ACBD6: variants seen among roughly 807,000 people sequenced by gnomAD.
The protein encoded by ACBD6 is acyl-CoA binding domain containing 6, also known as acyl-CoA-binding domain-containing protein 6.
In ACBD6, 28 loss-of-function variants were observed where a neutral mutation model predicts 37.2. The observed-to-expected ratio is 0.75, with a 90% CI of 0.56 to 1.03. ACBD6 has a LOEUF of 1.03. Ranked by LOEUF, ACBD6 falls within the 50% of genes least tolerant of loss-of-function variation. ACBD6 has a pLI of 0.00. For synonymous variants in ACBD6, 113 were observed against 126.8 expected (o/e 0.89, Z 0.73); for missense variants, 340 against 337.4 (o/e 1.01, Z -0.06).
At chr1:180,482,298 G>A (rs1651083120) in intron 3 of ACBD6, among the ~76,000 whole-genome samples, 1 of 152,050 alleles carries the variant, frequency 6.6e-6, no homozygotes, top group South Asian at 2.1e-4. Flanking sequence ...AAGGCTAGAT[G>A]GATACTGGAC....
At chr1:180,269,707 CACT>C (rs1648515585) in exon 14 of ACBD6, 1 of 152,224 alleles carries the variant, frequency 6.6e-6, no homozygotes, top group Admixed American at 6.5e-5. Context: ...TACACAAGTG[CACT>C]ATTTCCCATT....
At chr1:180,316,333 T>C (rs61811589) in intron 6 of ACBD6, among the ~76,000 whole-genome samples, 1 of 145,330 alleles carries the variant, frequency 6.9e-6, no homozygotes, top group African/African-American at 2.6e-5. Flanking sequence ...TGTGCGTGAG[T>C]GCGCACACAC....
intron 3 of ACBD6, among the ~76,000 whole-genome samples, chr1:180,472,533 G>T (rs2102059101): frequency 6.6e-6 from 1 of 152,166 alleles, no homozygotes; most frequent in South Asian, 2.1e-4. Context: ...TGTGTGTGCG[G>T]GGGTGCGGGT....
At chr1:180,435,312 G>GCA in intron 3 of ACBD6, 1 of 487,530 alleles carries the variant, frequency 2.1e-6, no homozygotes, top group Non-Finnish European at 3.8e-6. Flanking sequence ...GCAGTGGCAG[G>GCA]ATCTCAGCTC....
At chr1:180,486,298 G>A (rs1369838014) in intron 3 of ACBD6, among the ~76,000 whole-genome samples, 3 of 152,102 alleles carry the variant, frequency 2.0e-5, no homozygotes, top group East Asian at 1.9e-4. Flanking sequence ...GTCACAGCAG[G>A]GACACAAAAA....
intron 3 of ACBD6, among the ~76,000 whole-genome samples, chr1:180,473,340 G>A (rs1485630258): frequency 6.6e-6 from 1 of 150,580 alleles, no homozygotes; most frequent in Non-Finnish European, 1.5e-5. Context: ...CCAGCTACTT[G>A]GGAGGCTGAG....
intron 4 of ACBD6, among the ~76,000 whole-genome samples, chr1:180,422,059 G>A (rs1278517609): frequency 1.3e-5 from 2 of 152,058 alleles, no homozygotes; most frequent in African/African-American, 4.8e-5. Flanking sequence ...TCATAGTAGA[G>A]TCTCTAAGTA....
chr1:180,283,755 G>C (rs1483345976), downstream of ACBD6, among the ~76,000 whole-genome samples: 1 of 152,132 alleles, frequency 6.6e-6, no homozygotes, highest in Non-Finnish European at 1.5e-5. Flanking sequence ...GAAAAATACA[G>C]GTTGAGTATC....
chr1:180,432,767 A>C (rs1319513942), intron 3 of ACBD6, among the ~76,000 whole-genome samples: 1 of 152,194 alleles, frequency 6.6e-6, no homozygotes, highest in Non-Finnish European at 1.5e-5. Flanking sequence ...ATAAGAGATA[A>C]CTATGAACAA....
chr1:180,288,950 G>T (rs1486197373), intron 7 of ACBD6, among the ~76,000 whole-genome samples: 1 of 151,480 alleles, frequency 6.6e-6, no homozygotes, highest in East Asian at 1.9e-4. Context: ...TTGAAGAGGG[G>T]ATAAGTGGGT....
intron 5 of ACBD6, among the ~76,000 whole-genome samples, chr1:180,408,120 T>G (rs1255643237): frequency 6.6e-6 from 1 of 152,094 alleles, no homozygotes; most frequent in East Asian, 1.9e-4. Context: ...CATGAGACAG[T>G]GATATAAGCA....
At chr1:180,386,390 GTCTTGC>G (rs1458205005) in intron 6 of ACBD6, among the ~76,000 whole-genome samples, 1 of 152,040 alleles carries the variant, frequency 6.6e-6, no homozygotes, top group Non-Finnish European at 1.5e-5. Flanking sequence ...ATTTTAATGT[GTCTTGC>G]TGTGGATTTT....
At chr1:180,453,600 T>C (rs1287339224) in intron 3 of ACBD6, among the ~76,000 whole-genome samples, 1 of 152,132 alleles carries the variant, frequency 6.6e-6, no homozygotes, top group Non-Finnish European at 1.5e-5. Context: ...AGAGAGGAAG[T>C]CAAATTGTCT....
chr1:180,331,139 C>G lies in ACBD6; in HGVS notation c.664-16417G>C, dbSNP rs555548241. On this transcript the variant is annotated intron_variant, in intron 6 of 7. Coordinates refer to ENST00000367595, the MANE Select transcript of ACBD6 (RefSeq NM_032360.4). ...AAGTCCTGGTACTTCACAAGTGCCA[C>G]AATATAACAGTAGCTTCTAGGGTCA... Among the ~76,000 whole-genome samples the G allele has an allele frequency of 2.0e-5, 3 of 152,240 alleles. No homozygotes were observed. In the South Asian group the frequency reaches 6.2e-4, roughly 32 times the overall value.
intron 6 of ACBD6, among the ~76,000 whole-genome samples, chr1:180,339,394 A>G (rs1651883080): frequency 6.6e-6 from 1 of 152,228 alleles, no homozygotes. Context: ...ACATGGATGA[A>G]GCTGGAAACC....
At position 180,309,196 on chromosome 1, in the gene ACBD6, G is replaced by A. The variant is rs79167830; in HGVS notation, c.694+5496C>T. ...TTCATGGCAGCACACTATATACACC[G>A]TGCTACACCTTAACCTTTTTGTTCA... is the stretch of plus-strand genomic sequence containing the variant. On this transcript the variant is annotated intron_variant, in intron 7 of 7. Transcript: ENST00000367595. Among the ~76,000 whole-genome samples the A allele has an allele frequency of 8.3e-4, 126 of 152,210 alleles. 1 individual carries two copies. The highest frequency in any genetic ancestry group is 2.9e-3 in the African/African-American group (119 of 41,536).
intron 7 of ACBD6, among the ~76,000 whole-genome samples, chr1:180,292,669 C>T (rs756908638): frequency 1.3e-5 from 2 of 151,512 alleles, no homozygotes; most frequent in Admixed American, 1.3e-4. Context: ...ACATCACCTA[C>T]GAGAAAAGGA....
rs116733576 is a variant in ACBD6 at position 180,437,613 on chromosome 1, C to T, written c.385-7351G>A. Among the ~76,000 whole-genome samples the T allele has an allele frequency of 4.0e-3, 609 of 152,120 alleles. 3 individuals are homozygous for T. Among genetic ancestry groups the T allele is most frequent in the Non-Finnish European group, 6.4e-3 (434 of 67,978 alleles). On this transcript the variant is annotated intron_variant, in intron 3 of 7. Coordinates refer to ENST00000367595, the MANE Select transcript of ACBD6 (RefSeq NM_032360.4). ...AACAAGATTTTATATGTAAAAAAAT[C>T]CTAAAGATTCCACCCAATCTGTTAT...
chr1:180,388,118 G>A (rs1653916347), intron 6 of ACBD6, among the ~76,000 whole-genome samples: 1 of 150,478 alleles, frequency 6.6e-6, no homozygotes, highest in South Asian at 2.1e-4. Context: ...GGAGCTTGCA[G>A]TGAGCCAAGA....
Sources: gnomAD v4.1 joint callset for allele counts (sites outside exome capture counted in the v4.1 genomes callset) on GRCh38, gnomAD v4.1.1 for gene constraint, MANE v1.5 for transcripts, NCBI Gene and HGNC (gene_info 2026-07-23, HGNC 2026-07-21) for gene names.